The following CRB1 variants were observed in gnomAD, a reference collection of about 807,000 sequenced individuals.
CRB1 encodes the protein protein crumbs homolog 1.
Under a neutral mutation model 120.0 loss-of-function variants are expected in CRB1, and 83 were observed. The ratio of observed to expected loss-of-function variants is 0.69; its 90% CI spans 0.58 to 0.83. The LOEUF (loss-of-function observed/expected upper bound fraction) is 0.83. Ranked by LOEUF, CRB1 falls within the 40% of genes least tolerant of loss-of-function variation. The probability of loss-of-function intolerance (pLI) is 0.00; values close to 1 mark genes in which losing one functional copy is unlikely to be tolerated. For synonymous variants in CRB1, 625 were observed against 612.5 expected (o/e 1.02, Z -0.30); for missense variants, 1,699 against 1,687.6 (o/e 1.01, Z -0.12).
intron 1 of CRB1, among the ~76,000 whole-genome samples, chr1:197,312,013 A>G (rs1657559635): frequency 6.6e-6 from 1 of 152,118 alleles, no homozygotes; most frequent in Admixed American, 6.6e-5. Context: ...AGTTTCTGCT[A>G]TTCTTTTCTG....
At chr1:197,394,687 C>T (rs904261917) in intron 5 of CRB1, among the ~76,000 whole-genome samples, 4 of 151,124 alleles carry the variant, frequency 2.6e-5, no homozygotes, top group African/African-American at 7.3e-5. Context: ...TTTGCCATTC[C>T]TTTTCAAGGA....
intron 5 of CRB1, among the ~76,000 whole-genome samples, chr1:197,405,518 CG>C (rs1442197980): frequency 2.0e-5 from 3 of 151,792 alleles, no homozygotes; most frequent in African/African-American, 7.3e-5. Context: ...AAGTGAGGAG[CG>C]TCTCTGCCTG....
chr1:197,444,906 T>TACACACACACAC (rs59391242), intron 11 of CRB1: 10 of 147,506 alleles, frequency 6.8e-5, no homozygotes, highest in East Asian at 4.0e-4. Flanking sequence ...CAGCCATGCA[T>TACACACACACAC]ACACACACAC....
chr1:197,212,904 G>C, the CRB1 span, among the ~76,000 whole-genome samples: 2 of 152,084 alleles, frequency 1.3e-5, no homozygotes, highest in Non-Finnish European at 1.5e-5. Flanking sequence ...ATGGCAAAAA[G>C]ATAGACCATC....
Position 197,371,084 on chromosome 1 carries a change from C to T in CRB1, c.1171+14071C>T, listed in dbSNP as rs570411133. On this transcript the variant is annotated intron_variant, in intron 5 of 11. Transcript: ENST00000367400. ...ATACTTTAGAACTTTTTCCGTTGAG[C>T]CTAGTCTGTTGTCTTAACCACTTTT... 3.9e-5 allele frequency among the ~76,000 whole-genome samples: 6 copies of T among 152,276 alleles called. No homozygotes were observed. In the South Asian group the frequency reaches 1.2e-3, roughly 32 times the overall value.
At chr1:197,245,075 T>G in the CRB1 span, among the ~76,000 whole-genome samples, 1 of 152,080 alleles carries the variant, frequency 6.6e-6, no homozygotes, top group Admixed American at 6.6e-5. Flanking sequence ...TTCTTTTTTT[T>G]TGTACTTTAA....
intron 8 of CRB1, among the ~76,000 whole-genome samples, chr1:197,432,980 A>G (rs1664946003): frequency 6.6e-6 from 1 of 152,074 alleles, no homozygotes; most frequent in African/African-American, 2.4e-5. Context: ...TGGCCTGTGA[A>G]TGAATTGGAA....
chr1:197,473,337 C>G (rs1414930046), intron 11 of CRB1, among the ~76,000 whole-genome samples: 1 of 152,112 alleles, frequency 6.6e-6, no homozygotes, highest in Non-Finnish European at 1.5e-5. Flanking sequence ...CTAGCACATT[C>G]CAGCATACAA....
At chr1:197,231,442 G>A in the CRB1 span, among the ~76,000 whole-genome samples, 1 of 152,124 alleles carries the variant, frequency 6.6e-6, no homozygotes, top group African/African-American at 2.4e-5. Context: ...GATTCTGGGA[G>A]AGCTGGAATC....
At chr1:197,354,581 G>C (rs1279072567) in intron 4 of CRB1, among the ~76,000 whole-genome samples, 1 of 152,050 alleles carries the variant, frequency 6.6e-6, no homozygotes, top group Admixed American at 6.6e-5. Flanking sequence ...GGCCGCGTCT[G>C]GAGAGTTGTT....
At chr1:197,443,405 A>G (rs1002388672) in intron 11 of CRB1, 5 of 151,928 alleles carry the variant, frequency 3.3e-5, no homozygotes, top group African/African-American at 9.7e-5. Flanking sequence ...TTCCTGCAAT[A>G]CTTTCCCTTT....
intron 4 of CRB1, among the ~76,000 whole-genome samples, 172 bp from the exon 5 acceptor site, chr1:197,356,659 G>C (rs553195029): frequency 3.9e-5 from 6 of 152,222 alleles, no homozygotes; most frequent in African/African-American, 1.4e-4. Context: ...ACTGATACTA[G>C]TACTTGTTTC....
At chr1:197,449,699 T>A (rs1411247217) in intron 11 of CRB1, among the ~76,000 whole-genome samples, 1 of 152,176 alleles carries the variant, frequency 6.6e-6, no homozygotes, top group African/African-American at 2.4e-5. Context: ...GCAGGCAGTC[T>A]CTTAGCTGAA....
At chr1:197,227,101 C>T in the CRB1 span, among the ~76,000 whole-genome samples, 13 of 152,096 alleles carry the variant, frequency 8.5e-5, no homozygotes, top group Non-Finnish European at 1.8e-4. Context: ...ATCTCATGTC[C>T]TCATATTTCA....
At chr1:197,469,673 C>T (rs1571628174) in intron 11 of CRB1, among the ~76,000 whole-genome samples, 1 of 152,170 alleles carries the variant, frequency 6.6e-6, no homozygotes, top group Non-Finnish European at 1.5e-5. Context: ...CACAGCTTTT[C>T]TGAGACCAAA....
chr1:197,453,315 A>G lies in CRB1; in HGVS notation c.4005+11023A>G, dbSNP rs1014509757. 7.6e-4 allele frequency among the ~76,000 whole-genome samples: 14 copies of G among 18,498 alleles called. No homozygotes were observed. The Non-Finnish European group carries it at 0.041, about 54-fold the overall frequency. The allele number at this position is 18,498 out of a possible 152,430, so 12.1% of individuals were successfully genotyped here. On this transcript the variant is annotated intron_variant, in intron 11 of 11. Transcript: ENST00000367400. Reference sequence around the variant, plus strand: ...AATTAGTATATAAGTATATATATTTATATATAATAAGTATATATAATTAAA... The same window carrying G: ...AATTAGTATATAAGTATATATATTTGTATATAATAAGTATATATAATTAAA...
At position 197,421,460 on chromosome 1, in the gene CRB1, A is replaced by G. The variant is rs781161252; in HGVS notation, c.1632A>G (p.Leu544=). The change falls in exon 6 of 12, where the codon TTA becomes TTG. Residue 544 remains leucine, a synonymous_variant. Transcript: ENST00000367400. ...KLELLSGYIH[L]SIQVNNQSKV... is the part of the protein sequence containing the mutation. Reference sequence around the variant, plus strand: ...AGCTGCTAAGTGGCTACATTCACTTATCAATTCAGGTCAATAATCAGTCAA... The same window carrying G: ...AGCTGCTAAGTGGCTACATTCACTTGTCAATTCAGGTCAATAATCAGTCAA... 1 of 1,614,108 alleles carries G rather than the reference A, an allele frequency of 6.2e-7. No individual in the cohort carries two copies. Among genetic ancestry groups the G allele is most frequent in the East Asian group, 2.2e-5 (1 of 44,904 alleles).
At chr1:197,322,847 T>A (rs903728326) in intron 1 of CRB1, among the ~76,000 whole-genome samples, 1 of 152,216 alleles carries the variant, frequency 6.6e-6, no homozygotes, top group Non-Finnish European at 1.5e-5. Context: ...TATGACTCTG[T>A]CTTCCTTTTC....
At chr1:197,250,237 C>A in the CRB1 span, among the ~76,000 whole-genome samples, 1 of 151,804 alleles carries the variant, frequency 6.6e-6, no homozygotes, top group Admixed American at 6.6e-5. Flanking sequence ...TAGTGTGAGG[C>A]AGGGGAAAAT....
Sources: gnomAD v4.1 joint callset for allele counts (sites outside exome capture counted in the v4.1 genomes callset) on GRCh38, gnomAD v4.1.1 for gene constraint, MANE v1.5 for transcripts, NCBI Gene and HGNC (gene_info 2026-07-23, HGNC 2026-07-21) for gene names.